GPR26: variants seen among roughly 807,000 people sequenced by gnomAD.
The protein encoded by GPR26 is G protein-coupled receptor 26.
A neutral mutation model predicts 23.1 loss-of-function variants in GPR26; 15 were observed. That is an observed-to-expected ratio of 0.65 (90% CI 0.43 to 1.00). GPR26 has a LOEUF of 1.00. GPR26 is among the 50% of genes least tolerant of loss of function. The probability of loss-of-function intolerance (pLI) is 0.00; values close to 1 mark genes in which losing one functional copy is unlikely to be tolerated. For missense variants in GPR26, 359 were observed against 470.5 expected, an observed-to-expected ratio of 0.76 and a Z score of 2.19; for synonymous variants, 228 against 222.1, an observed-to-expected ratio of 1.03 and a Z score of -0.24.
chr10:123,682,604 CAT>C (rs1270476350), intron 2 of GPR26, among the ~76,000 whole-genome samples: 2 of 152,204 alleles, frequency 1.3e-5, no homozygotes, highest in African/African-American at 2.4e-5. Flanking sequence ...TTAAAATCCA[CAT>C]GTCTGGAAGC....
In GPR26 at chr10:123,667,021, G is replaced by A. The variant is rs776309810; in HGVS notation, c.614G>A (p.Arg205His). 3.1e-6 allele frequency: 5 copies of A among 1,609,274 alleles called. No homozygotes were observed. The highest frequency in any genetic ancestry group is 1.7e-5 in the Admixed American group (1 of 59,544). The part of the protein sequence containing the change: ...VLKVARFHCK[R>H]IDVITMQTLV... ...AAGGTGGCCCGCTTCCATTGCAAGC[G>A]CATCGACGTGATCACCATGCAGACG... Residue 205 changes from arginine (R) to histidine (H), a missense_variant, in exon 1 of 3, where the codon CGC becomes CAC. By Grantham distance (29) the Arg-to-His change is conservative. Transcript: ENST00000284674.
rs748356938 is a variant in GPR26 at position 123,666,849 on chromosome 10, G to A, written c.442G>A (p.Gly148Ser). 3 of 1,610,742 alleles carry A rather than the reference G, an allele frequency of 1.9e-6. 1 individual carries two copies. In the South Asian group the frequency reaches 3.3e-5, roughly 18 times the overall value. ...PAAALALSWL[G>S]FHQLYASCTL... The stretch of plus-strand genomic sequence containing the variant: ...CGCCGCGCTCGCCCTGTCCTGGCTC[G>A]GCTTCCACCAGCTGTACGCCTCGTG... The change falls in exon 1 of 3, where the codon GGC becomes AGC. Residue 148 changes from glycine to serine, a missense_variant. Gly to Ser is a moderately conservative substitution (Grantham distance 56). Coordinates refer to ENST00000284674, the MANE Select transcript of GPR26 (RefSeq NM_153442.4).
At chr10:123,670,142 C>T (rs1845233757) in intron 1 of GPR26, among the ~76,000 whole-genome samples, 1 of 152,192 alleles carries the variant, frequency 6.6e-6, no homozygotes, top group Non-Finnish European at 1.5e-5. Context: ...CTGGAGCTTC[C>T]TCTGAGGCTG....
Position 123,691,499 on chromosome 10 carries a change from AGGT to A in GPR26, c.*3340_*3342del, listed in dbSNP as rs1845490256. 2 of 152,268 alleles carry A rather than the reference AGGT, an allele frequency of 1.3e-5. No individual in the cohort carries two copies. Among genetic ancestry groups the A allele is most frequent in the South Asian group, 4.1e-4 (2 of 4,822 alleles). 9.4% of individuals were successfully genotyped at this position (152,268 alleles called of 1,614,324 possible). On this transcript the variant is annotated 3_prime_UTR_variant, in exon 3 of 3. Coordinates refer to ENST00000284674, the MANE Select transcript of GPR26 (RefSeq NM_153442.4). ...GTCACCCTTTTACATGCTTGGGTGC[AGGT>A]AGATGAGGCCTTCCCATGGCTACAG...
intron 2 of GPR26, among the ~76,000 whole-genome samples, chr10:123,678,223 TTCTC>T (rs1235106890): frequency 1.3e-5 from 2 of 152,356 alleles, no homozygotes; most frequent in East Asian, 1.9e-4. Flanking sequence ...CGTGCCTGCC[TTCTC>T]TCTCTGTCAG....
At chr10:123,684,036 C>A (rs1178337340) in intron 2 of GPR26, among the ~76,000 whole-genome samples, 3 of 152,158 alleles carry the variant, frequency 2.0e-5, no homozygotes, top group Non-Finnish European at 2.9e-5. Context: ...CCTCCCCCAA[C>A]CTGATCTGCT....
chr10:123,666,885 A>T lies in GPR26; in HGVS notation c.478A>T (p.Ser160Cys). Residue 160 changes from serine (S) to cysteine (C), a missense_variant, in exon 1 of 3, where the codon AGC (serine) becomes TGC (cysteine). Physicochemically the swap from Ser to Cys is moderately radical, Grantham distance 112. Transcript: ENST00000284674. ...HQLYASCTLC[S>C]RRPDERLRFA... ...GCTGTACGCCTCGTGCACGCTGTGC[A>T]GCCGGCGGCCAGACGAGCGCCTGCG... 6.2e-7 allele frequency: 1 copy of T among 1,611,972 alleles called. No individual in the cohort carries two copies. The highest frequency in any genetic ancestry group is 8.5e-7 in the Non-Finnish European group (1 of 1,179,494).
chr10:123,678,117 T>C (rs1845329529), intron 2 of GPR26, among the ~76,000 whole-genome samples: 1 of 152,348 alleles, frequency 6.6e-6, no homozygotes, highest in South Asian at 2.1e-4. Flanking sequence ...TAATTTTATA[T>C]AGAATTCATA....
chr10:123,682,818 A>G lies in GPR26; in HGVS notation c.783-5111A>G, dbSNP rs561795796. On this transcript the variant is annotated intron_variant, in intron 2 of 2. Coordinates refer to ENST00000284674, the MANE Select transcript of GPR26 (RefSeq NM_153442.4). ...AGATTGATATTCTATTAATAAAATG[A>G]CTTCTCCATTCTGTCTCATAAAAAT... Among the ~76,000 whole-genome samples, 7 of 152,314 alleles carry G rather than the reference A, an allele frequency of 4.6e-5. No homozygotes were observed. In the East Asian group the frequency reaches 1.4e-3, roughly 29 times the overall value.
At chr10:123,675,673 A>G (rs1021159925) in intron 2 of GPR26, among the ~76,000 whole-genome samples, 4 of 152,194 alleles carry the variant, frequency 2.6e-5, no homozygotes, top group Non-Finnish European at 5.9e-5. Flanking sequence ...AAACTCCAGA[A>G]CTTTGCATCT....
chr10:123,670,006 G>A (rs906752069), intron 1 of GPR26, among the ~76,000 whole-genome samples: 1 of 152,244 alleles, frequency 6.6e-6, no homozygotes, highest in African/African-American at 2.4e-5. Context: ...GCATGGCAGA[G>A]CAGGTGGGCC....
In GPR26 at chr10:123,666,951, C is replaced by T. The variant is rs751722210; in HGVS notation, c.544C>T (p.Leu182=). 1 of 1,613,846 alleles carries T rather than the reference C, an allele frequency of 6.2e-7. No homozygotes were observed. Among genetic ancestry groups the T allele is most frequent in the South Asian group, 1.1e-5 (1 of 91,084 alleles). Residue 182 remains leucine, a synonymous_variant, in exon 1 of 3, where the codon CTG becomes TTG. Coordinates refer to ENST00000284674, the MANE Select transcript of GPR26 (RefSeq NM_153442.4). The part of the protein sequence containing the change: ...FTGAFHALSF[L]LSFVVLCCTY... ...TGGCGCCTTCCACGCTCTCAGCTTC[C>T]TGCTCTCCTTCGTCGTGCTCTGCTG... is the stretch of plus-strand genomic sequence containing the variant.
At chr10:123,683,735 A>G (rs1376538580) in intron 2 of GPR26, among the ~76,000 whole-genome samples, 1 of 152,204 alleles carries the variant, frequency 6.6e-6, no homozygotes, top group African/African-American at 2.4e-5. Context: ...GAGAGGAGGC[A>G]TGGCTCCATG....
Position 123,680,815 on chromosome 10 carries a change from GT to G in GPR26, c.782+5888del, listed in dbSNP as rs1564732102. Among the ~76,000 whole-genome samples, 97 of 41,078 alleles carry G rather than the reference GT, an allele frequency of 2.4e-3. 1 individual carries two copies. The highest frequency in any genetic ancestry group is 7.9e-3 in the Admixed American group (27 of 3,400). The allele number at this position is 41,078 out of a possible 152,430, so 26.9% of individuals were successfully genotyped here. ...CATTCTCTTGGGTTTTTTTTGTTTT[GT>G]TTTGTTTTTTTGGGGGGGGGGGTTG... On this transcript the variant is annotated intron_variant, in intron 2 of 2. Transcript: ENST00000284674.
Position 123,667,007 on chromosome 10 carries a change from C to T in GPR26, c.600C>T (p.Arg200=), listed in dbSNP as rs1480192587. 6.2e-7 allele frequency: 1 copy of T among 1,612,056 alleles called. No individual in the cohort carries two copies. Among genetic ancestry groups the T allele is most frequent in the African/African-American group, 1.3e-5 (1 of 74,892 alleles). The change falls in exon 1 of 3, where the codon CGC becomes CGT. Residue 200 remains arginine, a synonymous_variant. Coordinates refer to ENST00000284674, the MANE Select transcript of GPR26 (RefSeq NM_153442.4). ...CTYLKVLKVA[R]FHCKRIDVIT... ...ACCTCAAGGTGCTCAAGGTGGCCCG[C>T]TTCCATTGCAAGCGCATCGACGTGA... is the stretch of plus-strand genomic sequence containing the variant.
In GPR26 at chr10:123,695,197, T is replaced by C. The variant is rs1162488410; in HGVS notation, c.*7037T>C. 6.6e-6 allele frequency among the ~76,000 whole-genome samples: 1 copy of C among 152,262 alleles called. No homozygotes were observed. Among genetic ancestry groups the C allele is most frequent in the African/African-American group, 2.4e-5 (1 of 41,474 alleles). ...TGAGTCTAATCAATCTTAGCAGTGT[T>C]CCAGTTCATCACGTATACCCATATT... On this transcript the variant is annotated 3_prime_UTR_variant, in exon 3 of 3. Coordinates refer to ENST00000284674, the MANE Select transcript of GPR26 (RefSeq NM_153442.4).
In GPR26 at chr10:123,687,912, T is replaced by C; in HGVS notation, c.783-17T>C. 1.9e-6 allele frequency: 3 copies of C among 1,553,096 alleles called. No homozygotes were observed. The highest frequency in any genetic ancestry group is 2.7e-6 in the Non-Finnish European group (3 of 1,125,052). On this transcript the variant is annotated splice_polypyrimidine_tract_variant and intron_variant, in intron 2 of 2. Coordinates refer to ENST00000284674, the MANE Select transcript of GPR26 (RefSeq NM_153442.4). Reference sequence around the variant, plus strand: ...CTTAGCTATGTCCTCATTAACAGCTTCCCTGTCTCTCCACAGGCTAGTGGA... The same window carrying C: ...CTTAGCTATGTCCTCATTAACAGCTCCCCTGTCTCTCCACAGGCTAGTGGA...
intron 1 of GPR26, among the ~76,000 whole-genome samples, chr10:123,670,931 G>A (rs1163288363): frequency 6.6e-6 from 1 of 152,184 alleles, no homozygotes; most frequent in Non-Finnish European, 1.5e-5. Flanking sequence ...TGAACTCTTT[G>A]TTGTGTGGGG....
At chr10:123,673,734 A>G (rs997767873) in intron 1 of GPR26, among the ~76,000 whole-genome samples, 2 of 152,196 alleles carry the variant, frequency 1.3e-5, no homozygotes, top group Non-Finnish European at 1.5e-5. Flanking sequence ...TGGAAGAAGC[A>G]TGAAGAAGTG....
Sources: gnomAD v4.1 joint callset for allele counts (sites outside exome capture counted in the v4.1 genomes callset) on GRCh38, gnomAD v4.1.1 for gene constraint, MANE v1.5 for transcripts, NCBI Gene and HGNC (gene_info 2026-07-23, HGNC 2026-07-21) for gene names.